Variants in TNPO3 observed in about 807,000 individuals in gnomAD.
The protein encoded by TNPO3 is transportin-3.
Under a neutral mutation model 122.8 loss-of-function variants are expected in TNPO3, and 65 were observed. That is an observed-to-expected ratio of 0.53 (90% CI 0.43 to 0.65). The LOEUF (loss-of-function observed/expected upper bound fraction) is 0.65. TNPO3 is among the 30% of genes least tolerant of loss of function. The pLI is 0.00. For synonymous variants in TNPO3, 372 were observed against 411.2 expected, an observed-to-expected ratio of 0.90 and a Z score of 1.15; for missense variants, 850 against 1,136.7, an observed-to-expected ratio of 0.75 and a Z score of 3.63.
At chr7:129,044,982 G>A (rs1436803795) in intron 1 of TNPO3, among the ~76,000 whole-genome samples, 1 of 152,174 alleles carries the variant, frequency 6.6e-6, no homozygotes, top group Non-Finnish European at 1.5e-5. Context: ...TAAGCCAAAC[G>A]TGGTATATAT....
chr7:129,049,412 G>C (rs1808441213), intron 1 of TNPO3, among the ~76,000 whole-genome samples: 1 of 152,174 alleles, frequency 6.6e-6, no homozygotes, highest in Non-Finnish European at 1.5e-5. Flanking sequence ...AAATTGGAGG[G>C]GAAAGGTGAT....
intron 1 of TNPO3, among the ~76,000 whole-genome samples, chr7:129,018,906 G>A (rs1040004976): frequency 6.6e-5 from 10 of 151,954 alleles, no homozygotes; most frequent in Admixed American, 2.6e-4. Context: ...TTTAGTAGAG[G>A]CGAGGTTTCA....
chr7:129,054,806 T>G lies in TNPO3; in HGVS notation c.-36A>C. 6.2e-7 allele frequency: 1 copy of G among 1,613,412 alleles called. No individual in the cohort carries two copies. The highest frequency in any genetic ancestry group is 8.5e-7 in the Non-Finnish European group (1 of 1,179,746). ...GTAGTGGCGGTAGCGACGGCTCTGA[T>G]TCTTCTCCGGAGGATTCCTCGGTTG... On this transcript the variant is annotated 5_prime_UTR_variant, in exon 1 of 23. Coordinates refer to ENST00000265388, the MANE Select transcript of TNPO3 (RefSeq NM_012470.4).
rs796831706 is a variant in TNPO3, at chr7:129,027,592, C to CAAA, written c.121-9436_121-9435insTTT. Among the ~76,000 whole-genome samples, 183 of 61,732 alleles carry CAAA rather than the reference C, an allele frequency of 3.0e-3. 7 individuals carry two copies. The highest frequency in any genetic ancestry group is 4.3e-3 in the Admixed American group (20 of 4,672). The allele number at this position is 61,732 out of a possible 152,430, so 40.5% of individuals were successfully genotyped here. A position where few individuals can be genotyped will look rare whatever the true frequency, so the allele number is the denominator to read the frequency against. Reference sequence around the variant, plus strand: ...AAAAAAAAAAAAAAAAAAAAAAAAACAACACAAAAAATTCACTAAATACTC... The same window carrying CAAA: ...AAAAAAAAAAAAAAAAAAAAAAAAACAAAAACACAAAAAATTCACTAAATACTC... On this transcript the variant is annotated intron_variant, in intron 1 of 22. Coordinates refer to ENST00000265388, the MANE Select transcript of TNPO3 (RefSeq NM_012470.4).
intron 1 of TNPO3, among the ~76,000 whole-genome samples, chr7:129,047,515 G>T (rs1422375456): frequency 3.3e-5 from 5 of 152,166 alleles, no homozygotes; most frequent in African/African-American, 9.7e-5. Context: ...AATTTTGGTG[G>T]AAGTTTAGAG....
At chr7:129,018,258 A>C in intron 1 of TNPO3, 101 bp from the exon 2 acceptor site, 3 of 1,191,304 alleles carry the variant, frequency 2.5e-6, no homozygotes, top group Non-Finnish European at 3.5e-6. Context: ...CCAAAGTATA[A>C]AGAAAGAAAA....
At chr7:128,984,361 T>C in intron 12 of TNPO3, 102 bp from the exon 13 acceptor site, 1 of 642,140 alleles carries the variant, frequency 1.6e-6, no homozygotes, top group Non-Finnish European at 2.7e-6. Flanking sequence ...ACTGGTTTGG[T>C]TCCATTCTTT....
At chr7:128,964,679 G>T (rs1434595132) in intron 21 of TNPO3, among the ~76,000 whole-genome samples, 3 of 152,052 alleles carry the variant, frequency 2.0e-5, no homozygotes, top group Admixed American at 6.5e-5. Context: ...TCATATTCCT[G>T]ATTCTAAAAT....
Position 129,000,475 on chromosome 7 carries a change from C to A in TNPO3, c.965G>T (p.Arg322Leu). The A allele has an allele frequency of 6.2e-7, 1 of 1,614,068 alleles. No homozygotes were observed. The highest frequency in any genetic ancestry group is 8.5e-7 in the Non-Finnish European group (1 of 1,179,994). Residue 322 changes from arginine (R) to leucine (L), a missense_variant, in exon 7 of 23, where the codon CGA becomes CTA. Coordinates refer to ENST00000265388, the MANE Select transcript of TNPO3 (RefSeq NM_012470.4). ...ACAGATAAGCAGCAGCTCCAGAGTT[C>A]GAAGGTCCCCAAGACCTTGGCCTGG... ...CTPGQGLGDL[R>L]TLELLLICAG...
intron 4 of TNPO3, among the ~76,000 whole-genome samples, chr7:129,012,788 C>G (rs894251408): frequency 1.3e-5 from 2 of 152,034 alleles, no homozygotes; most frequent in Admixed American, 1.3e-4. Context: ...CCAGATAAAC[C>G]GTCTACACTT....
chr7:129,009,136 G>C (rs1802906470), intron 4 of TNPO3, among the ~76,000 whole-genome samples: 1 of 152,162 alleles, frequency 6.6e-6, no homozygotes, highest in Admixed American at 6.5e-5. Context: ...AAAGATAGCA[G>C]GGATAAATAA....
At chr7:129,054,501 G>T in intron 1 of TNPO3, 150 bp downstream of exon 1, 2 of 1,274,534 alleles carry the variant, frequency 1.6e-6, no homozygotes, top group Non-Finnish European at 2.1e-6. Context: ...AAGCGGCAAA[G>T]ATGTAGCTTC....
chr7:129,003,064 A>AAAAAAG (rs1554439863), intron 5 of TNPO3, among the ~76,000 whole-genome samples: 2 of 130,410 alleles, frequency 1.5e-5, no homozygotes, highest in African/African-American at 5.7e-5. Context: ...AAAAAAAAAA[A>AAAAAAG]TACAAAAAAT....
chr7:129,009,210 C>T (rs892628206), intron 4 of TNPO3, among the ~76,000 whole-genome samples: 30 of 152,132 alleles, frequency 2.0e-4, no homozygotes, highest in Admixed American at 1.9e-3. Flanking sequence ...AGCACAGGTT[C>T]AGTTTAGCTA....
At chr7:128,960,834 A>G (rs1186712980) in intron 21 of TNPO3, among the ~76,000 whole-genome samples, 2 of 151,986 alleles carry the variant, frequency 1.3e-5, no homozygotes, top group Non-Finnish European at 1.5e-5. Context: ...ATCTCGGCCC[A>G]CTGCAACCTC....
At chr7:128,957,176 C>T in intron 22 of TNPO3, 48 bp downstream of exon 22, 1 of 1,539,782 alleles carries the variant, frequency 6.5e-7, no homozygotes, top group South Asian at 1.1e-5. Context: ...CCAGGCATCC[C>T]CAACAGTCCG....
intron 1 of TNPO3, chr7:129,029,044 G>A: frequency 5.9e-6 from 2 of 340,540 alleles, no homozygotes. Context: ...ACATTCTAAA[G>A]ACACATCTAA....
chr7:129,005,330 A>G (rs558317049), intron 4 of TNPO3, among the ~76,000 whole-genome samples, 171 bp from the exon 5 acceptor site: 10 of 151,342 alleles, frequency 6.6e-5, no homozygotes, highest in African/African-American at 2.2e-4. Flanking sequence ...TTTAAGAGAG[A>G]GGGTCTTGCT....
At position 128,993,791 on chromosome 7, in the gene TNPO3, C is replaced by T. The variant is rs373386379; in HGVS notation, c.1266+16G>A. On this transcript the variant is annotated intron_variant, in intron 9 of 22. Coordinates refer to ENST00000265388, the MANE Select transcript of TNPO3 (RefSeq NM_012470.4). ...GGTGACTAGTAAAACTGGAAACAAT[C>T]TCCAAATAGGCTTACCTGAGCAAAA... 2.5e-6 allele frequency: 4 copies of T among 1,599,252 alleles called. No individual in the cohort carries two copies. In the African/African-American group the frequency reaches 4.0e-5, roughly 16 times the overall value.
Sources: gnomAD v4.1 joint callset for allele counts (sites outside exome capture counted in the v4.1 genomes callset) on GRCh38, gnomAD v4.1.1 for gene constraint, MANE v1.5 for transcripts, NCBI Gene and HGNC (gene_info 2026-07-23, HGNC 2026-07-21) for gene names.